The following CAST variants were observed in gnomAD, a reference collection of about 807,000 sequenced individuals.
CAST encodes MIR583 host.
A neutral mutation model predicts 119.6 loss-of-function variants in CAST; 76 were observed. The ratio of observed to expected loss-of-function variants is 0.64; its 90% CI spans 0.53 to 0.77. The LOEUF (loss-of-function observed/expected upper bound fraction) is 0.77, where lower values mean the gene tolerates loss of function less well. Ranked by LOEUF, CAST falls within the 30% of genes least tolerant of loss-of-function variation. The pLI, the probability that CAST is intolerant of heterozygous loss-of-function variation, is 0.00. For missense variants in CAST, 953 were observed against 946.5 expected (o/e 1.01, Z -0.09); for synonymous variants, 319 against 331.6 (o/e 0.96, Z 0.41).
At chr5:96,395,444 G>A in the CAST span, among the ~76,000 whole-genome samples, 8 of 152,294 alleles carry the variant, frequency 5.3e-5, no homozygotes, top group East Asian at 1.5e-3. Flanking sequence ...CATATGCACT[G>A]TGGAATACTA....
chr5:96,254,751 G>A, the CAST span, among the ~76,000 whole-genome samples: 1 of 152,134 alleles, frequency 6.6e-6, no homozygotes, highest in East Asian at 1.9e-4. Flanking sequence ...TATGACAGGA[G>A]AAGAGTTTCT....
chr5:96,432,592 G>A, the CAST span, among the ~76,000 whole-genome samples: 1 of 152,202 alleles, frequency 6.6e-6, no homozygotes, highest in Admixed American at 6.5e-5. Context: ...GCGCGGGAAC[G>A]GATTTCAATT....
chr5:96,386,930 A>C, the CAST span, among the ~76,000 whole-genome samples: 2 of 152,224 alleles, frequency 1.3e-5, no homozygotes, highest in Non-Finnish European at 2.9e-5. Flanking sequence ...ATACCACTGC[A>C]CTCCAGCCTG....
chr5:96,485,891 A>T, the CAST span, among the ~76,000 whole-genome samples: 7 of 152,166 alleles, frequency 4.6e-5, no homozygotes, highest in Admixed American at 1.3e-4. Flanking sequence ...GTACAAAGAC[A>T]CACTACAACT....
At chr5:96,226,379 G>A in the CAST span, among the ~76,000 whole-genome samples, 1 of 152,186 alleles carries the variant, frequency 6.6e-6, no homozygotes, top group African/African-American at 2.4e-5. Flanking sequence ...GGCTGGGCAT[G>A]GTGGGTTATG....
At chr5:96,399,341 G>C in the CAST span, among the ~76,000 whole-genome samples, 1 of 152,136 alleles carries the variant, frequency 6.6e-6, no homozygotes, top group Non-Finnish European at 1.5e-5. Flanking sequence ...CCTTCTGAAG[G>C]CATGCCCCAA....
At chr5:96,108,432 TC>T in the CAST span, among the ~76,000 whole-genome samples, 1 of 152,208 alleles carries the variant, frequency 6.6e-6, no homozygotes, top group Non-Finnish European at 1.5e-5. Context: ...TTGTTAGTTT[TC>T]CTTCTAACAG....
Position 96,561,796 on chromosome 5 carries a change from G to GTTTTTTTTTTTTTTTTTTTT in CAST, c.60+31930_60+31931insTTTTTTTTTTTTTTTTTTTT, listed in dbSNP as rs11375615. ...GTGTATTATATATATGTTTTTTTTT[G>GTTTTTTTTTTTTTTTTTTTT]TTTTTTTTTTTTTTGAGACGGAGTC... On this transcript the variant is annotated intron_variant, in intron 1 of 11. Coordinates refer to the CAST transcript ENST00000505143. Among the ~76,000 whole-genome samples the GTTTTTTTTTTTTTTTTTTTT allele has an allele frequency of 6.8e-4, 66 of 97,400 alleles. 3 individuals carry two copies. The highest frequency in any genetic ancestry group is 1.5e-3 in the African/African-American group (40 of 26,030). The allele number at this position is 97,400 out of a possible 152,430, so 63.9% of individuals were successfully genotyped here. A position where few individuals can be genotyped will look rare whatever the true frequency, so the allele number is the denominator to read the frequency against.
At chr5:96,582,126 C>G (rs1408244484) in intron 1 of CAST, among the ~76,000 whole-genome samples, 1 of 152,142 alleles carries the variant, frequency 6.6e-6, no homozygotes, top group Non-Finnish European at 1.5e-5. Flanking sequence ...TGCATTATTT[C>G]TAAGTTTCCT....
At chr5:95,965,083 A>T in the CAST span, 1 of 152,242 alleles carries the variant, frequency 6.6e-6, no homozygotes, top group Non-Finnish European at 1.5e-5. Context: ...GGACCACTGG[A>T]TATCCAAATG....
At chr5:96,052,366 G>A in the CAST span, among the ~76,000 whole-genome samples, 2 of 152,156 alleles carry the variant, frequency 1.3e-5, no homozygotes, top group African/African-American at 4.8e-5. Context: ...TTCAGAAAGT[G>A]ATGAGTACAA....
At chr5:96,469,126 T>C in the CAST span, among the ~76,000 whole-genome samples, 1 of 152,088 alleles carries the variant, frequency 6.6e-6, no homozygotes, top group Non-Finnish European at 1.5e-5. Context: ...ATAGCTATGA[T>C]TCATTCACGA....
chr5:96,148,308 A>C, the CAST span, among the ~76,000 whole-genome samples: 1 of 152,150 alleles, frequency 6.6e-6, no homozygotes, highest in Non-Finnish European at 1.5e-5. Flanking sequence ...TTTTGTGGAA[A>C]TATGCTTGAT....
At chr5:96,044,595 G>C in the CAST span, among the ~76,000 whole-genome samples, 1 of 152,106 alleles carries the variant, frequency 6.6e-6, no homozygotes, top group Non-Finnish European at 1.5e-5. Flanking sequence ...GCCCTACTTT[G>C]CTGCAATTCA....
At chr5:96,058,693 T>C in the CAST span, among the ~76,000 whole-genome samples, 1 of 152,086 alleles carries the variant, frequency 6.6e-6, no homozygotes, top group African/African-American at 2.4e-5. Context: ...GGGAATGACT[T>C]GGCTGGTGCA....
At chr5:96,207,678 G>A in the CAST span, among the ~76,000 whole-genome samples, 1 of 152,016 alleles carries the variant, frequency 6.6e-6, no homozygotes. Context: ...GCTTTTTGAT[G>A]TACTGCTGGA....
At chr5:96,589,261 A>G (rs1746921871) in intron 1 of CAST, among the ~76,000 whole-genome samples, 1 of 152,214 alleles carries the variant, frequency 6.6e-6, no homozygotes, top group South Asian at 2.1e-4. Flanking sequence ...AAACTTTTCA[A>G]GGACATTCAA....
the CAST span, among the ~76,000 whole-genome samples, chr5:96,051,775 C>G: frequency 6.6e-6 from 1 of 152,088 alleles, no homozygotes; most frequent in Non-Finnish European, 1.5e-5. Flanking sequence ...TTAGTAGTCC[C>G]AAACCGGAAA....
chr5:96,514,637 C>T, the CAST span, among the ~76,000 whole-genome samples: 1 of 152,178 alleles, frequency 6.6e-6, no homozygotes, highest in African/African-American at 2.4e-5. Context: ...TAACCCAGCA[C>T]TCCCTGCCTT....
Sources: gnomAD v4.1 joint callset for allele counts (sites outside exome capture counted in the v4.1 genomes callset) on GRCh38, gnomAD v4.1.1 for gene constraint, MANE v1.5 for transcripts, NCBI Gene and HGNC (gene_info 2026-07-23, HGNC 2026-07-21) for gene names.